TSR1: variants seen among roughly 807,000 people sequenced by gnomAD.
TSR1 encodes pre-rRNA-processing protein TSR1 homolog.
In TSR1, 81 loss-of-function variants were observed where a neutral mutation model predicts 90.9. The observed-to-expected ratio is 0.89, with a 90% confidence interval of 0.74 to 1.07. The LOEUF (loss-of-function observed/expected upper bound fraction) is 1.07. Among genes scored for constraint, TSR1 ranks in the 50% least tolerant of loss-of-function variants. TSR1 has a pLI of 0.00. For missense variants in TSR1, 989 were observed against 987.3 expected (o/e 1.00, Z -0.02); for synonymous variants, 362 against 348.8 (o/e 1.04, Z -0.42).
Position 2,323,300 on chromosome 17 carries a change from G to A in TSR1, c.*896C>T, listed in dbSNP as rs940852219. The A allele has an allele frequency of 1.2e-6, 2 of 1,614,032 alleles. No individual in the cohort carries two copies. The highest frequency in any genetic ancestry group is 1.7e-6 in the Non-Finnish European group (2 of 1,179,940). On this transcript the variant is annotated 3_prime_UTR_variant, in exon 15 of 15. Coordinates refer to ENST00000301364, the MANE Select transcript of TSR1 (RefSeq NM_018128.5). ...GCTTGAACACCTGGCCTATTATCAGGGACCTTGTGGATGATATCTTCACTG... is the reference window on the plus strand; with the variant it reads ...GCTTGAACACCTGGCCTATTATCAGAGACCTTGTGGATGATATCTTCACTG...
At chr17:2,331,427 C>A (rs142551906) in intron 8 of TSR1, among the ~76,000 whole-genome samples, 114 of 152,284 alleles carry the variant, frequency 7.5e-4, no homozygotes, top group African/African-American at 2.6e-3. Context: ...GAGGTGACTG[C>A]ATTAGGGGAG....
chr17:2,333,752 C>A (rs1230584070), intron 5 of TSR1, 36 bp from the exon 6 acceptor site: 3 of 1,612,012 alleles, frequency 1.9e-6, no homozygotes, highest in Non-Finnish European at 2.5e-6. Flanking sequence ...CAACCATGAA[C>A]CAAAAATCTC....
At position 2,335,539 on chromosome 17, in the gene TSR1, A is replaced by G. The variant is rs528517111; in HGVS notation, c.393T>C (p.His131=). The change falls in exon 3 of 15, where the codon CAT becomes CAC. Residue 131 remains histidine (H), a synonymous_variant. Transcript: ENST00000301364. The part of the protein sequence containing the change: ...NFMLLCPRLK[H]RWFFTSARPG... Reference sequence around the variant, plus strand: ...GCCTTGCTGAGGTGAAAAACCACCGATGTTTCAAGCGGGGGCACAGCAGCA... The same window carrying G: ...GCCTTGCTGAGGTGAAAAACCACCGGTGTTTCAAGCGGGGGCACAGCAGCA... 1 of 1,614,122 alleles carries G rather than the reference A, an allele frequency of 6.2e-7. No individual in the cohort carries two copies. The highest frequency in any genetic ancestry group is 2.2e-5 in the East Asian group (1 of 44,878).
chr17:2,323,411 C>A lies in TSR1; in HGVS notation c.*785G>T. 6.3e-7 allele frequency: 1 copy of A among 1,584,010 alleles called. No homozygotes were observed. The highest frequency in any genetic ancestry group is 1.1e-5 in the South Asian group (1 of 89,348). On this transcript the variant is annotated 3_prime_UTR_variant, in exon 15 of 15. Coordinates refer to ENST00000301364, the MANE Select transcript of TSR1 (RefSeq NM_018128.5). ...AACTTCTTAGGCAGAAGAAACTTCC[C>A]TTAGGAGTAGCAAGTGACCCACGGG...
At chr17:2,331,133 G>A in intron 8 of TSR1, 24 bp from the exon 9 acceptor site, 1 of 1,553,388 alleles carries the variant, frequency 6.4e-7, no homozygotes, top group South Asian at 1.3e-5. Flanking sequence ...GATTTTTAAA[G>A]ACATTAAGTC....
chr17:2,330,424 AATTTTAGTCACACAT>A, intron 10 of TSR1, 76 bp downstream of exon 10: 1 of 1,208,596 alleles, frequency 8.3e-7, no homozygotes, highest in South Asian at 1.2e-5. Context: ...CAATGAGCAA[AATTTTAGTCACACAT>A]AAACAGAATT....
chr17:2,322,921 C>T lies in TSR1; in HGVS notation c.*1275G>A, dbSNP rs140491317. 638 of 514,510 alleles carry T rather than the reference C, an allele frequency of 1.2e-3. 2 individuals carry two copies. Among genetic ancestry groups the T allele is most frequent in the Admixed American group, 1.9e-3 (60 of 31,166 alleles). 31.9% of individuals were successfully genotyped at this position (514,510 alleles called of 1,614,324 possible). ...CTGGGATTACAGGGGTCTGCCACCA[C>T]GCCTGGCTGATTTTCCTATTTTTAG... On this transcript the variant is annotated 3_prime_UTR_variant, in exon 15 of 15. Transcript: ENST00000301364.
At chr17:2,326,636 C>G (rs535792231) in intron 11 of TSR1, among the ~76,000 whole-genome samples, 107 of 152,288 alleles carry the variant, frequency 7.0e-4, no homozygotes, top group African/African-American at 2.3e-3. Context: ...CCCTCACCCC[C>G]CTTTTAAAAA....
At chr17:2,324,396 T>C (rs1174028685) in intron 14 of TSR1, 22 bp from the exon 15 acceptor site, 1 of 1,592,322 alleles carries the variant, frequency 6.3e-7, no homozygotes, top group Non-Finnish European at 8.5e-7. Context: ...TCAGAACAAG[T>C]CGGTCAAATT....
chr17:2,331,059 G>A lies in TSR1; in HGVS notation c.1547C>T (p.Pro516Leu), dbSNP rs768310113. 3.1e-6 allele frequency: 5 copies of A among 1,609,140 alleles called. No homozygotes were observed. The highest frequency in any genetic ancestry group is 4.2e-6 in the Non-Finnish European group (5 of 1,178,746). The change falls in exon 9 of 15, where the codon CCT (proline) becomes CTT (leucine). Residue 516 changes from proline (P) to leucine (L), a missense_variant. Transcript: ENST00000301364. ...ATAATCTTGAGGAAGGTTTTCCTTA[G>A]GATCCCATGGAGATGTCCGGAAGCT... ...LKSFRTSPWD[P>L]KENLPQDYAR...
intron 11 of TSR1, among the ~76,000 whole-genome samples, chr17:2,326,909 A>T (rs1052946421): frequency 1.3e-5 from 2 of 152,022 alleles, no homozygotes; most frequent in Non-Finnish European, 2.9e-5. Context: ...GTTTGAGACC[A>T]GCCTGGCCAA....
Position 2,334,704 on chromosome 17 carries a change from C to T in TSR1, c.749G>A (p.Arg250Gln), listed in dbSNP as rs555194216. ...KQQHLAFRDR[R>Q]AYLFAHAVDF... is the part of the protein sequence containing the mutation. ...AACAGCATGGGCAAATAGGTAGGCC[C>T]GCCGATCTCGAAAAGCAAGATGCTG... Residue 250 changes from arginine to glutamine, a missense_variant, in exon 5 of 15, where the codon CGG becomes CAG. Physicochemically the swap from Arg to Gln is conservative, Grantham distance 43 (BLOSUM62 1). Coordinates refer to ENST00000301364, the MANE Select transcript of TSR1 (RefSeq NM_018128.5). The T allele has an allele frequency of 2.7e-5, 43 of 1,613,644 alleles. No individual in the cohort carries two copies. The highest frequency in any genetic ancestry group is 4.5e-5 in the East Asian group (2 of 44,886).
chr17:2,334,243 CA>C (rs1328571505), intron 5 of TSR1, among the ~76,000 whole-genome samples: 2 of 152,202 alleles, frequency 1.3e-5, no homozygotes, highest in African/African-American at 4.8e-5. Flanking sequence ...TTGAGGAAAG[CA>C]ACCACATCTT....
At position 2,324,359 on chromosome 17, in the gene TSR1, A is replaced by C; in HGVS notation, c.2252T>G (p.Met751Arg). ...TAGCTTCCCATCAAAGCTGCATTTC[A>C]TGTGGCCATGGGTACCTAGAAAGAC... Reference protein sequence around the residue: ...IKEPLGTHGHMKCSFDGKLKS... With the variant: ...IKEPLGTHGHRKCSFDGKLKS... The change falls in exon 15 of 15, where the codon ATG becomes AGG. Residue 751 changes from methionine (M) to arginine (R), a missense_variant. Coordinates refer to ENST00000301364, the MANE Select transcript of TSR1 (RefSeq NM_018128.5). The C allele has an allele frequency of 1.3e-6, 2 of 1,565,670 alleles. No individual in the cohort carries two copies. Among genetic ancestry groups the C allele is most frequent in the Non-Finnish European group, 1.7e-6 (2 of 1,159,336 alleles).
chr17:2,323,536 G>A lies in TSR1; in HGVS notation c.*660C>T, dbSNP rs980925006. The A allele has an allele frequency of 1.7e-6, 2 of 1,210,388 alleles. No homozygotes were observed. The highest frequency in any genetic ancestry group is 1.5e-5 in the African/African-American group (1 of 65,850). 75.0% of individuals were successfully genotyped at this position (1,210,388 alleles called of 1,614,324 possible). ...AGTCAGAATTAAAGAAAAGCTTTGG[G>A]AAGCGTGTGTACACAGTGATAAGAA... On this transcript the variant is annotated 3_prime_UTR_variant, in exon 15 of 15. Transcript: ENST00000301364.
rs747511092 is a variant in TSR1, at chr17:2,332,311, C to T, written c.1354G>A (p.Glu452Lys). Residue 452 changes from glutamate to lysine, a missense_variant, in exon 8 of 15, where the codon GAG becomes AAG. Physicochemically the swap from Glu to Lys is moderately conservative, Grantham distance 56. Coordinates refer to ENST00000301364, the MANE Select transcript of TSR1 (RefSeq NM_018128.5). ...TCATACAGATCATCATGCACAGACT[C>T]CCCAATAGTCATAGTTTCATATTCT... ...EEEYETMTIGESVHDDLYDKK... is the reference protein window; with the variant it reads ...EEEYETMTIGKSVHDDLYDKK... 1 of 1,610,540 alleles carries T rather than the reference C, an allele frequency of 6.2e-7. No individual in the cohort carries two copies. The highest frequency in any genetic ancestry group is 1.7e-5 in the Admixed American group (1 of 58,802).
intron 11 of TSR1, chr17:2,328,947 A>C (rs1397555069): frequency 7.3e-5 from 13 of 178,838 alleles, no homozygotes; most frequent in South Asian, 2.4e-4. Flanking sequence ...AAAAAAAAAA[A>C]CAGAAACAAA....
At position 2,324,318 on chromosome 17, in the gene TSR1, C is replaced by A; in HGVS notation, c.2293G>T (p.Val765Leu). 5 of 1,569,188 alleles carry A rather than the reference C, an allele frequency of 3.2e-6. No individual in the cohort carries two copies. The highest frequency in any genetic ancestry group is 4.3e-6 in the Non-Finnish European group (5 of 1,160,640). The change falls in exon 15 of 15, where the codon GTA (valine) becomes TTA (leucine). Residue 765 changes from valine to leucine, a missense_variant. Coordinates refer to ENST00000301364, the MANE Select transcript of TSR1 (RefSeq NM_018128.5). ...FDGKLKSQDT[V>L]LMNLYKRVFP... Reference sequence around the variant, plus strand: ...ACTCGTTTATACAGGTTCATCAGTACTGTGTCTTGAGATTTTAGCTTCCCA... The same window carrying A: ...ACTCGTTTATACAGGTTCATCAGTAATGTGTCTTGAGATTTTAGCTTCCCA...
At chr17:2,328,937 A>C (rs868427793) in intron 11 of TSR1, 2 of 240,054 alleles carry the variant, frequency 8.3e-6, no homozygotes, top group South Asian at 4.7e-5. Context: ...AAAAAAAAAA[A>C]AAAAAAAAAA....
Sources: gnomAD v4.1 joint callset for allele counts (sites outside exome capture counted in the v4.1 genomes callset) on GRCh38, gnomAD v4.1.1 for gene constraint, MANE v1.5 for transcripts, NCBI Gene and HGNC (gene_info 2026-07-23, HGNC 2026-07-21) for gene names.